Variants in PPP1R10 observed in about 807,000 individuals in gnomAD.
The protein encoded by PPP1R10 is protein phosphatase 1 regulatory subunit 10.
PPP1R10 carries 15 observed loss-of-function variants against 99.0 expected under a neutral mutation model. The observed-to-expected ratio is 0.15, with a 90% CI of 0.10 to 0.23. PPP1R10 has a LOEUF of 0.23. Ranked by LOEUF, PPP1R10 falls within the 10% of genes least tolerant of loss-of-function variation. The probability of loss-of-function intolerance (pLI) is 1.00; values close to 1 mark genes in which losing one functional copy is unlikely to be tolerated. For missense variants in PPP1R10, 947 were observed against 1,259.4 expected, an observed-to-expected ratio of 0.75 and a Z score of 3.75; for synonymous variants, 430 against 449.5, an observed-to-expected ratio of 0.96 and a Z score of 0.55.
rs2127438900 is a variant in PPP1R10, at chr6:30,604,226, A to G, written c.1290T>C (p.Gly430=). 6.2e-7 allele frequency: 1 copy of G among 1,614,162 alleles called. No homozygotes were observed. The highest frequency in any genetic ancestry group is 8.5e-7 in the Non-Finnish European group (1 of 1,180,026). Reference sequence around the variant, plus strand: ...ACAGTATCTCTCGCTTAGCCGCCTCACCAAAGTCCTTGATCTTATTCACAT... The same window carrying G: ...ACAGTATCTCTCGCTTAGCCGCCTCGCCAAAGTCCTTGATCTTATTCACAT... The part of the protein sequence containing the change: ...RVNVNKIKDF[G]EAAKREILSD... The change falls in exon 14 of 20, where the codon GGT becomes GGC. Residue 430 remains glycine, a synonymous_variant. Transcript: ENST00000376511. The surrounding 1 kb of genome is among the most constrained non-coding windows in gnomAD (Gnocchi z 7.3).
Position 30,609,735 on chromosome 6 carries a change from CCCTTT to C in PPP1R10, c.107+98_107+102del. ...TAATCCTATTGCACTGACTATCTTT[CCCTTT>C]CCTTTCCAGGATCATTCCAGTGTGC... On this transcript the variant is annotated intron_variant, in intron 3 of 19. Coordinates refer to ENST00000376511, the MANE Select transcript of PPP1R10 (RefSeq NM_002714.4). The surrounding 1 kb of genome is among the most constrained non-coding windows in gnomAD (Gnocchi z 4.5). 1 of 1,019,782 alleles carries C rather than the reference CCCTTT, an allele frequency of 9.8e-7. No individual in the cohort carries two copies. Among genetic ancestry groups the C allele is most frequent in the Non-Finnish European group, 1.5e-6 (1 of 649,304 alleles). 63.2% of individuals were successfully genotyped at this position (1,019,782 alleles called of 1,614,324 possible).
At chr6:30,607,922 A>T in intron 5 of PPP1R10, 31 bp from the exon 6 acceptor site, 1 of 1,607,512 alleles carries the variant, frequency 6.2e-7, no homozygotes, top group Non-Finnish European at 8.5e-7. Flanking sequence ...AGAAAGGTAA[A>T]TGCCAGGAGG....
At position 30,609,818 on chromosome 6, in the gene PPP1R10, A is replaced by C; in HGVS notation, c.107+20T>G. 6.3e-7 allele frequency: 1 copy of C among 1,587,092 alleles called. No individual in the cohort carries two copies. Among genetic ancestry groups the C allele is most frequent in the Non-Finnish European group, 8.7e-7 (1 of 1,155,380 alleles). On this transcript the variant is annotated intron_variant, in intron 3 of 19. Transcript: ENST00000376511. This position sits in a 1 kb window ranked among gnomAD's most constrained non-coding sequence, Gnocchi z 4.5. ...AATATTCTCTACTCACAGTGAATAC[A>C]AAAAGGGGTAAAGACTCACCTGAAG...
At position 30,604,557 on chromosome 6, in the gene PPP1R10, A is replaced by AC. The variant is rs1192701116; in HGVS notation, c.1102+30dup. ...AGACCCAGATCCCTCCTTTCAGAAA[A>AC]CCCCCCAAACTGAACCAGTTTCTAG... On this transcript the variant is annotated intron_variant, in intron 12 of 19. Coordinates refer to ENST00000376511, the MANE Select transcript of PPP1R10 (RefSeq NM_002714.4). The surrounding 1 kb of genome is among the most constrained non-coding windows in gnomAD (Gnocchi z 7.3). 4.3e-6 allele frequency: 7 copies of AC among 1,611,184 alleles called. No homozygotes were observed. In the East Asian group the frequency reaches 6.7e-5, roughly 15 times the overall value.
At chr6:30,616,332 T>C (rs1429026494) in intron 2 of PPP1R10, 146 bp downstream of exon 2, 1 of 152,658 alleles carries the variant, frequency 6.6e-6, no homozygotes, top group Non-Finnish European at 1.5e-5. Flanking sequence ...AGGCCCTTTT[T>C]AATGGAGATT....
At position 30,601,431 on chromosome 6, in the gene PPP1R10, G is replaced by A. The variant is rs959119088; in HGVS notation, c.*118C>T. On this transcript the variant is annotated 3_prime_UTR_variant, in exon 20 of 20. Transcript: ENST00000376511. ...AACCCAAGCAAGTGGGAACTGAGGGGGCCGGCTCCTCATCAGCTGGGGAAA... is the reference window on the plus strand; with the variant it reads ...AACCCAAGCAAGTGGGAACTGAGGGAGCCGGCTCCTCATCAGCTGGGGAAA... The A allele has an allele frequency of 3.8e-6, 3 of 799,274 alleles. No homozygotes were observed. The highest frequency in any genetic ancestry group is 3.5e-5 in the African/African-American group (2 of 57,910). The allele number at this position is 799,274 out of a possible 1,614,324, so 49.5% of individuals were successfully genotyped here.
chr6:30,601,944 T>A lies in PPP1R10; in HGVS notation c.2705A>T (p.His902Leu). 1 of 1,509,028 alleles carries A rather than the reference T, an allele frequency of 6.6e-7. No homozygotes were observed. Among genetic ancestry groups the A allele is most frequent in the Non-Finnish European group, 8.8e-7 (1 of 1,130,390 alleles). The allele number at this position is 1,509,028 out of a possible 1,614,324, so 93.5% of individuals were successfully genotyped here. Residue 902 changes from histidine (H) to leucine (L), a missense_variant, in exon 19 of 20, where the codon CAT (histidine) becomes CTT (leucine). His to Leu is a moderately conservative substitution (Grantham distance 99, BLOSUM62 -3). Around this residue, in one of 10 missense-constraint regions of PPP1R10, gnomAD observed 525 missense variants for 578.8 expected, o/e 0.91. Coordinates refer to ENST00000376511, the MANE Select transcript of PPP1R10 (RefSeq NM_002714.4). ...ACAGGGAGCATCCTCACCTCCTCCA[T>A]GGCTGTGGCCTCCATCGTGCCCTCG... ...GHRGHDGGHS[H>L]GGDMSNRPVC...
intron 2 of PPP1R10, among the ~76,000 whole-genome samples, chr6:30,610,506 C>T (rs1163560896): frequency 6.6e-6 from 1 of 152,168 alleles, no homozygotes; most frequent in East Asian, 1.9e-4. Context: ...TATGTATCAG[C>T]TGAAGTGGTA....
intron 2 of PPP1R10, among the ~76,000 whole-genome samples, chr6:30,614,761 T>G (rs1760277782): frequency 6.6e-6 from 1 of 152,118 alleles, no homozygotes; most frequent in Non-Finnish European, 1.5e-5. Flanking sequence ...TTTGCCTGTT[T>G]TTTCACCCCT....
At chr6:30,612,319 T>A (rs1441758767) in intron 2 of PPP1R10, among the ~76,000 whole-genome samples, 1 of 152,156 alleles carries the variant, frequency 6.6e-6, no homozygotes, top group Non-Finnish European at 1.5e-5. Flanking sequence ...TACCCCTATT[T>A]CCTTCAGACA....
rs1803756750 is a variant in PPP1R10 at position 30,604,829 on chromosome 6, C to T, written c.955-94G>A. The T allele has an allele frequency of 5.1e-6, 8 of 1,570,854 alleles. No individual in the cohort carries two copies. The East Asian group carries it at 1.6e-4, about 31-fold the overall frequency. On this transcript the variant is annotated intron_variant, in intron 11 of 19. Coordinates refer to ENST00000376511, the MANE Select transcript of PPP1R10 (RefSeq NM_002714.4). This position sits in a 1 kb window ranked among gnomAD's most constrained non-coding sequence, Gnocchi z 7.3. The stretch of plus-strand genomic sequence containing the variant: ...CCCAGGCACAGTCCCCCAACAGTTC[C>T]TATATAAAGGAAGACTCTGTCTCCA...
At position 30,601,432 on chromosome 6, in the gene PPP1R10, G is replaced by T; in HGVS notation, c.*117C>A. On this transcript the variant is annotated 3_prime_UTR_variant, in exon 20 of 20. Transcript: ENST00000376511. ...ACCCAAGCAAGTGGGAACTGAGGGG[G>T]CCGGCTCCTCATCAGCTGGGGAAAA... 2 of 807,734 alleles carry T rather than the reference G, an allele frequency of 2.5e-6. No homozygotes were observed. Among genetic ancestry groups the T allele is most frequent in the Non-Finnish European group, 4.0e-6 (2 of 500,512 alleles). 50.0% of individuals were successfully genotyped at this position (807,734 alleles called of 1,614,324 possible).
In PPP1R10 at chr6:30,606,090, T is replaced by C. The variant is rs774984602; in HGVS notation, c.740+48A>G. On this transcript the variant is annotated intron_variant, in intron 9 of 19. Transcript: ENST00000376511. This position sits in a 1 kb window ranked among gnomAD's most constrained non-coding sequence, Gnocchi z 6.3. ...TCCGACTCACCCCCTCCTGCTCCCTTGTGTCCACAGATCCACCCCATTCAG... is the reference window on the plus strand; with the variant it reads ...TCCGACTCACCCCCTCCTGCTCCCTCGTGTCCACAGATCCACCCCATTCAG... 1.2e-5 allele frequency: 20 copies of C among 1,612,730 alleles called. No individual in the cohort carries two copies. The African/African-American group carries it at 2.3e-4, about 18-fold the overall frequency.
rs201411341 is a variant in PPP1R10, at chr6:30,603,644, G to A, written c.1595C>T (p.Pro532Leu). The stretch of plus-strand genomic sequence containing the variant: ...CCCAGGTTCCAGAGTCTCAACATAC[G>A]GAGTCTCATCCATGGAACACTCCTG... Reference protein sequence around the residue: ...LDEECSMDETPYVETLEPGGS... With the variant: ...LDEECSMDETLYVETLEPGGS... Residue 532 changes from proline to leucine, a missense_variant, in exon 16 of 20, where the codon CCG becomes CTG. By Grantham distance (98) the Pro-to-Leu change is moderately conservative. Coordinates refer to ENST00000376511, the MANE Select transcript of PPP1R10 (RefSeq NM_002714.4). The A allele has an allele frequency of 3.2e-5, 52 of 1,608,514 alleles. 1 individual carries two copies. In the African/African-American group the frequency reaches 5.1e-4, roughly 16 times the overall value.
At chr6:30,605,244 G>A in intron 10 of PPP1R10, 150 bp from the exon 11 acceptor site, 1 of 662,270 alleles carries the variant, frequency 1.5e-6, no homozygotes, top group South Asian at 1.9e-5. Flanking sequence ...GCACATGCAG[G>A]AGGATTCACA....
rs1804252162 is a variant in PPP1R10 at position 30,608,886 on chromosome 6, G to A, written c.223C>T (p.Leu75Phe). 6.2e-7 allele frequency: 1 copy of A among 1,614,076 alleles called. No individual in the cohort carries two copies. Among genetic ancestry groups the A allele is most frequent in the Admixed American group, 1.7e-5 (1 of 60,000 alleles). ...TTTGAATACGTCAGCCAATTGTTAAGAAGTTTGTAGCCGCCAACGTCAATA... is the reference window on the plus strand; with the variant it reads ...TTTGAATACGTCAGCCAATTGTTAAAAAGTTTGTAGCCGCCAACGTCAATA... ...KFIDVGGYKL[L>F]NNWLTYSKTT... Residue 75 changes from leucine to phenylalanine, a missense_variant, in exon 5 of 20, where the codon CTT (leucine) becomes TTT (phenylalanine). Physicochemically the swap from Leu to Phe is conservative, Grantham distance 22 (BLOSUM62 0). Around this residue, in one of 10 missense-constraint regions of PPP1R10, gnomAD observed 82 missense variants for 117.3 expected, o/e 0.70. Coordinates refer to ENST00000376511, the MANE Select transcript of PPP1R10 (RefSeq NM_002714.4).
Position 30,606,873 on chromosome 6 carries a change from G to C in PPP1R10, c.383-17C>G, listed in dbSNP as rs758259598. On this transcript the variant is annotated splice_polypyrimidine_tract_variant and intron_variant, in intron 6 of 19. Coordinates refer to ENST00000376511, the MANE Select transcript of PPP1R10 (RefSeq NM_002714.4). The surrounding 1 kb of genome is among the most constrained non-coding windows in gnomAD (Gnocchi z 6.3). ...TCCGGAGCTCTGCAGGTGACAGAAA[G>C]GGGAAATGCCTAAATAATGTAAAGT... 3.1e-6 allele frequency: 5 copies of C among 1,597,128 alleles called. No homozygotes were observed. The African/African-American group carries it at 6.7e-5, about 21-fold the overall frequency.
At position 30,605,097 on chromosome 6, in the gene PPP1R10, A is replaced by G. The variant is rs1273387802; in HGVS notation, c.854-3T>C. The G allele has an allele frequency of 6.2e-7, 1 of 1,612,240 alleles. No homozygotes were observed. On this transcript the variant is annotated splice_polypyrimidine_tract_variant and splice_region_variant and intron_variant, in intron 10 of 19. Transcript: ENST00000376511. ...CAGAAAGCCCAGGCCCTCCATAGCT[A>G]CAAAAAGAAAGAGCACCAAATGGCA... is the stretch of plus-strand genomic sequence containing the variant.
chr6:30,613,235 G>A (rs1804738674), intron 2 of PPP1R10, among the ~76,000 whole-genome samples: 1 of 152,190 alleles, frequency 6.6e-6, no homozygotes, highest in Non-Finnish European at 1.5e-5. Flanking sequence ...ATCCAGCATA[G>A]CTAAAGTTAT....
Sources: gnomAD v4.1 joint callset for allele counts (sites outside exome capture counted in the v4.1 genomes callset) on GRCh38, gnomAD v4.1.1 for gene constraint, gnomAD v4.1.1 regional missense constraint, Gnocchi (gnomAD v3.1) non-coding constraint, MANE v1.5 for transcripts, NCBI Gene and HGNC (gene_info 2026-07-23, HGNC 2026-07-21) for gene names.